Variants in MTAP observed in about 807,000 individuals in gnomAD.
The protein encoded by MTAP is S-methyl-5'-thioadenosine phosphorylase.
In MTAP, 33 loss-of-function variants were observed where a neutral mutation model predicts 33.6. The observed-to-expected ratio is 0.98, with a 90% confidence interval of 0.74 to 1.31. The LOEUF (loss-of-function observed/expected upper bound fraction) is 1.31. MTAP is among the 40% of genes most tolerant of loss of function. MTAP has a pLI of 0.00. For missense variants in MTAP, 367 were observed against 360.0 expected, an observed-to-expected ratio of 1.02 and a Z score of -0.16; for synonymous variants, 148 against 125.7, an observed-to-expected ratio of 1.18 and a Z score of -1.19.
intron 4 of MTAP, among the ~76,000 whole-genome samples, chr9:21,835,285 C>T (rs187914281): frequency 3.2e-4 from 49 of 152,200 alleles, no homozygotes; most frequent in Admixed American, 1.6e-3. Context: ...TTTGGGAGGA[C>T]ACAAAACTTC....
chr9:21,917,751 A>C (rs1459743917), intron 1 of MTAP, among the ~76,000 whole-genome samples: 1 of 152,208 alleles, frequency 6.6e-6, no homozygotes, highest in Non-Finnish European at 1.5e-5. Flanking sequence ...GTATCTACCC[A>C]AAGGAAAAGA....
intron 1 of MTAP, among the ~76,000 whole-genome samples, chr9:21,914,879 T>G: frequency 6.6e-6 from 1 of 151,884 alleles, no homozygotes; most frequent in East Asian, 1.9e-4. Context: ...AATTGCCTAT[T>G]TTGGACATTT....
intron 1 of MTAP, among the ~76,000 whole-genome samples, chr9:21,805,059 C>T (rs1480406963): frequency 6.6e-6 from 1 of 152,234 alleles, no homozygotes; most frequent in Non-Finnish European, 1.5e-5. Flanking sequence ...ATAGGAGGCA[C>T]ATGTGTGTCT....
At position 21,854,780 on chromosome 9, in the gene MTAP, A is replaced by T; in HGVS notation, c.600A>T (p.Pro200=). Residue 200 remains proline (P), a synonymous_variant, in exon 6 of 8, where the codon CCA becomes CCT. Transcript: ENST00000644715. The part of the protein sequence containing the change: ...GADVINMTTV[P]EVVLAKEAGI... ...ATGTTATCAACATGACCACAGTTCC[A>T]GAGGTGGTTCTTGCTAAGGAGGCTG... 2.5e-6 allele frequency: 4 copies of T among 1,614,184 alleles called. No individual in the cohort carries two copies. Among genetic ancestry groups the T allele is most frequent in the Non-Finnish European group, 2.5e-6 (3 of 1,180,018 alleles).
intron 1 of MTAP, chr9:21,930,960 T>A (rs745535115): frequency 1.4e-6 from 1 of 724,360 alleles, no homozygotes; most frequent in Admixed American, 1.8e-5. Flanking sequence ...TCAGTCCATG[T>A]CTTCAAAAAT....
chr9:21,938,127 A>T (rs980542759), downstream of MTAP, among the ~76,000 whole-genome samples: 1 of 152,138 alleles, frequency 6.6e-6, no homozygotes, highest in Non-Finnish European at 1.5e-5. Context: ...ACAAAAAATT[A>T]TCTGGGCATG....
chr9:21,846,092 C>G (rs541754790), intron 5 of MTAP, among the ~76,000 whole-genome samples: 1 of 152,258 alleles, frequency 6.6e-6, no homozygotes, highest in South Asian at 2.1e-4. Flanking sequence ...ATCTTCATCT[C>G]TCATATAAAA....
chr9:21,867,775 T>C (rs1587263064), downstream of MTAP, among the ~76,000 whole-genome samples: 1 of 152,272 alleles, frequency 6.6e-6, no homozygotes, highest in South Asian at 2.1e-4. Flanking sequence ...TGAAAAAGGC[T>C]GGAACAGCAG....
At chr9:21,889,797 C>T (rs923153209) in intron 1 of MTAP, among the ~76,000 whole-genome samples, 14 of 152,124 alleles carry the variant, frequency 9.2e-5, no homozygotes, top group African/African-American at 2.9e-4. Flanking sequence ...GTGGAGGTAG[C>T]AGGGGAGTGA....
At chr9:21,853,662 T>G (rs1273440116) in intron 5 of MTAP, among the ~76,000 whole-genome samples, 1 of 152,216 alleles carries the variant, frequency 6.6e-6, no homozygotes, top group East Asian at 1.9e-4. Flanking sequence ...CTGCCAGTAT[T>G]AATGATTGTT....
chr9:21,826,189 T>C (rs1587217500), intron 4 of MTAP, among the ~76,000 whole-genome samples: 1 of 29,396 alleles, frequency 3.4e-5, no homozygotes, highest in South Asian at 7.2e-4. Context: ...GAACATTTTC[T>C]TTTTTTTTTT....
intron 4 of MTAP, among the ~76,000 whole-genome samples, chr9:21,826,793 C>T (rs1587218481): frequency 6.6e-6 from 1 of 152,000 alleles, no homozygotes; most frequent in South Asian, 2.1e-4. Context: ...AGGGATCCCC[C>T]ACCCCTGTGG....
At chr9:21,898,351 G>T (rs1267564157) in intron 1 of MTAP, among the ~76,000 whole-genome samples, 1 of 152,142 alleles carries the variant, frequency 6.6e-6, no homozygotes, top group Non-Finnish European at 1.5e-5. Flanking sequence ...AACACCAAAA[G>T]CAATGGCAAC....
Position 21,909,088 on chromosome 9 carries a change from C to G in MTAP, c.148-21920C>G, listed in dbSNP as rs138556036. 4.5e-3 allele frequency among the ~76,000 whole-genome samples: 682 copies of G among 152,146 alleles called. 5 individuals are homozygous for G. Among genetic ancestry groups the G allele is most frequent in the African/African-American group, 0.015 (603 of 41,538 alleles). On this transcript the variant is annotated intron_variant, in intron 1 of 1. Coordinates refer to the MTAP transcript ENST00000577563. ...TGTGTACTATCTTTATTCCTTCTTG[C>G]TGTTTTGAGGCTCCTTCTTTCATCA...
chr9:21,891,074 G>A (rs575660122), intron 1 of MTAP, among the ~76,000 whole-genome samples: 2 of 152,080 alleles, frequency 1.3e-5, no homozygotes, highest in South Asian at 4.1e-4. Flanking sequence ...ATAATTGAAA[G>A]AAGGTTATCT....
Position 21,856,104 on chromosome 9 carries a change from T to C in MTAP, c.690+1234T>C, listed in dbSNP as rs546987325. On this transcript the variant is annotated intron_variant, in intron 6 of 7. Transcript: ENST00000644715. ...TTCTCTTTTTATTCCTTGTGTTACTTGAATAAACTAGATCGTTCGTCCTGT... is the reference window on the plus strand; with the variant it reads ...TTCTCTTTTTATTCCTTGTGTTACTCGAATAAACTAGATCGTTCGTCCTGT... 1.3e-5 allele frequency: 12 copies of C among 946,138 alleles called. No individual in the cohort carries two copies. The East Asian group carries it at 1.4e-3, about 110-fold the overall frequency. 58.6% of individuals were successfully genotyped at this position (946,138 alleles called of 1,614,324 possible). A position where few individuals can be genotyped will look rare whatever the true frequency, so the allele number is the denominator to read the frequency against.
intron 4 of MTAP, among the ~76,000 whole-genome samples, chr9:21,829,419 T>G (rs544856010): frequency 1.6e-3 from 40 of 25,262 alleles, no homozygotes; most frequent in Admixed American, 5.0e-3. Context: ...CTTTTGTTGT[T>G]TTTTTTTTTT....
At chr9:21,881,230 T>C (rs141708542) in intron 1 of MTAP, among the ~76,000 whole-genome samples, 1 of 152,092 alleles carries the variant, frequency 6.6e-6, no homozygotes, top group African/African-American at 2.4e-5. Context: ...AGTTGGACTC[T>C]TACCACCATA....
chr9:21,907,055 A>G (rs1818488550), intron 1 of MTAP, among the ~76,000 whole-genome samples: 1 of 152,188 alleles, frequency 6.6e-6, no homozygotes, highest in Non-Finnish European at 1.5e-5. Flanking sequence ...GGTTGGGTTA[A>G]GGGAGGTGAG....
Sources: allele counts gnomAD v4.1 joint callset (sites outside exome capture counted in the v4.1 genomes callset), GRCh38; gene constraint gnomAD v4.1.1; transcripts MANE v1.5; gene names NCBI Gene and HGNC (gene_info 2026-07-23, HGNC 2026-07-21).